Variants in DSCAM observed in about 807,000 individuals in gnomAD.
DSCAM encodes the protein DS cell adhesion molecule.
Under a neutral mutation model 217.7 loss-of-function variants are expected in DSCAM, and 47 were observed. The observed-to-expected ratio is 0.22, with a 90% confidence interval of 0.17 to 0.28. The LOEUF (loss-of-function observed/expected upper bound fraction) is 0.28. Among genes scored for constraint, DSCAM ranks in the 10% least tolerant of loss-of-function variants. The probability of loss-of-function intolerance (pLI) is 1.00; values close to 1 mark genes in which losing one functional copy is unlikely to be tolerated. For missense variants in DSCAM, 2,080 were observed against 2,618.3 expected (o/e 0.79, Z 4.49); for synonymous variants, 1,056 against 1,015.3 (o/e 1.04, Z -0.76).
intron 11 of DSCAM, among the ~76,000 whole-genome samples, chr21:40,250,813 A>G (rs1331905356): frequency 1.3e-5 from 2 of 152,228 alleles, no homozygotes; most frequent in East Asian, 1.9e-4. Flanking sequence ...GCACTCTTCA[A>G]TAAAGGGCTA....
At chr21:40,134,056 T>C in intron 18 of DSCAM, 47 bp from the exon 19 acceptor site, 1 of 1,571,140 alleles carries the variant, frequency 6.4e-7, no homozygotes. Context: ...TGAGCCCATT[T>C]CTGCTCGTTT....
intron 1 of DSCAM, among the ~76,000 whole-genome samples, chr21:40,762,032 A>T (rs1476865543): frequency 6.6e-6 from 1 of 152,208 alleles, no homozygotes; most frequent in African/African-American, 2.4e-5. Flanking sequence ...TCAACACCCT[A>T]ACATCACAGT....
chr21:40,489,823 C>T (rs1347113057), intron 3 of DSCAM, among the ~76,000 whole-genome samples: 1 of 143,096 alleles, frequency 7.0e-6, no homozygotes, highest in Non-Finnish European at 1.5e-5. Context: ...GGTTCTGTTT[C>T]TCCAGAGAAC....
intron 18 of DSCAM, among the ~76,000 whole-genome samples, chr21:40,136,436 G>A (rs1397956799): frequency 6.6e-6 from 1 of 152,154 alleles, no homozygotes; most frequent in African/African-American, 2.4e-5. Flanking sequence ...AGCTGTGATT[G>A]TGCCACTGCA....
intron 1 of DSCAM, among the ~76,000 whole-genome samples, chr21:40,710,110 C>T (rs778870851): frequency 3.9e-5 from 6 of 152,028 alleles, no homozygotes; most frequent in Admixed American, 6.5e-5. Flanking sequence ...CTTTTTTTCA[C>T]GTTTGTTGGC....
chr21:40,110,330 C>T (rs1167390461), intron 20 of DSCAM, among the ~76,000 whole-genome samples: 1 of 152,202 alleles, frequency 6.6e-6, no homozygotes, highest in Non-Finnish European at 1.5e-5. Context: ...CTCCAGCAAA[C>T]TCCAACAGAC....
rs541870073 is a variant in DSCAM, at chr21:40,745,312, T to G, written c.44-36541A>C. 1.4e-4 allele frequency among the ~76,000 whole-genome samples: 22 copies of G among 152,134 alleles called. No homozygotes were observed. In the East Asian group the frequency reaches 2.1e-3, roughly 15 times the overall value. ...TATCCAAGTATAAAAAGCTCAGAGA[T>G]CACCAATCAAATTCAACCCAAAGAG... On this transcript the variant is annotated intron_variant, in intron 1 of 32. Transcript: ENST00000400454.
intron 32 of DSCAM, among the ~76,000 whole-genome samples, chr21:40,031,240 G>A (rs1196564982): frequency 6.6e-6 from 1 of 152,118 alleles, no homozygotes; most frequent in Non-Finnish European, 1.5e-5. Context: ...GAACAGTGAT[G>A]TGGGGGTAGA....
At chr21:40,821,393 G>GCGCACACA (rs375566271) in intron 1 of DSCAM, among the ~76,000 whole-genome samples, 58 of 146,232 alleles carry the variant, frequency 4.0e-4, no homozygotes, top group East Asian at 1.8e-3. Flanking sequence ...ACACACGCGC[G>GCGCACACA]CACACACACA....
At chr21:40,697,975 T>C (rs141780414) in intron 2 of DSCAM, among the ~76,000 whole-genome samples, 3 of 152,364 alleles carry the variant, frequency 2.0e-5, no homozygotes, top group African/African-American at 7.2e-5. Context: ...GAAATAACTT[T>C]CCATTTTGTG....
chr21:40,531,767 C>T (rs1279102000), intron 3 of DSCAM, among the ~76,000 whole-genome samples: 1 of 152,202 alleles, frequency 6.6e-6, no homozygotes, highest in South Asian at 2.1e-4. Context: ...GGTCTTGCCC[C>T]CATTCCTTTC....
Position 40,176,689 on chromosome 21 carries a change from C to G in DSCAM, c.2947+2238G>C, listed in dbSNP as rs1297437051. Among the ~76,000 whole-genome samples, 2 of 152,232 alleles carry G rather than the reference C, an allele frequency of 1.3e-5. 1 individual carries two copies. Among genetic ancestry groups the G allele is most frequent in the Non-Finnish European group, 2.9e-5 (2 of 68,050 alleles). ...AACCTGCTCCTTTCCTTCCCTTCCCCTTAGCTCCTCTGAATATTAAAGGAG... is the reference window on the plus strand; with the variant it reads ...AACCTGCTCCTTTCCTTCCCTTCCCGTTAGCTCCTCTGAATATTAAAGGAG... On this transcript the variant is annotated intron_variant, in intron 15 of 32. Transcript: ENST00000400454.
intron 3 of DSCAM, among the ~76,000 whole-genome samples, chr21:40,541,828 A>G (rs914891519): frequency 6.6e-6 from 1 of 152,224 alleles, no homozygotes; most frequent in Non-Finnish European, 1.5e-5. Flanking sequence ...AATGTATTGC[A>G]CTGAAAGTAG....
chr21:40,454,017 C>G (rs2075743493), intron 3 of DSCAM, among the ~76,000 whole-genome samples: 1 of 152,202 alleles, frequency 6.6e-6, no homozygotes, highest in South Asian at 2.1e-4. Flanking sequence ...CCCCAAATAC[C>G]TGCCTAGGTA....
rs538407839 is a variant in DSCAM, at chr21:40,361,155, T to C, written c.656-7412A>G. 2.7e-3 allele frequency among the ~76,000 whole-genome samples: 410 copies of C among 151,356 alleles called. 2 individuals carry two copies. Among genetic ancestry groups the C allele is most frequent in the African/African-American group, 9.5e-3 (395 of 41,380 alleles). On this transcript the variant is annotated intron_variant, in intron 4 of 32. Coordinates refer to ENST00000400454, the MANE Select transcript of DSCAM (RefSeq NM_001389.5). ...TATATATATATATATATTACAAAAA[T>C]TATTTTTACCCCAAACATTTGAAAA...
In DSCAM at chr21:40,065,614, G is replaced by A. The variant is rs370574424; in HGVS notation, c.4889-2715C>T. On this transcript the variant is annotated intron_variant, in intron 27 of 32. Transcript: ENST00000400454. ...CACTGCCACTCCACGGTTGGGGTCG[G>A]TGCTCCTGCTGCACACCTAGTGTCC... is the stretch of plus-strand genomic sequence containing the variant. Among the ~76,000 whole-genome samples, 6 of 152,252 alleles carry A rather than the reference G, an allele frequency of 3.9e-5. No homozygotes were observed. In the South Asian group the frequency reaches 1.2e-3, roughly 32 times the overall value.
chr21:40,518,583 CAT>C (rs571035566), intron 3 of DSCAM, among the ~76,000 whole-genome samples: 12 of 86,838 alleles, frequency 1.4e-4, no homozygotes, highest in African/African-American at 5.9e-4. Context: ...CATACACACA[CAT>C]ATACACACAC....
intron 3 of DSCAM, among the ~76,000 whole-genome samples, chr21:40,506,873 AG>A (rs2146047963): frequency 6.6e-6 from 1 of 152,384 alleles, no homozygotes; most frequent in East Asian, 1.9e-4. Flanking sequence ...GGTAATCAAA[AG>A]AGGAAAAAAA....
chr21:40,333,927 G>C (rs115184828), intron 8 of DSCAM, among the ~76,000 whole-genome samples: 1 of 152,154 alleles, frequency 6.6e-6, no homozygotes, highest in African/African-American at 2.4e-5. Flanking sequence ...TTGGGTTCTC[G>C]CACCTTGCAA....
Sources: allele counts gnomAD v4.1 joint callset (sites outside exome capture counted in the v4.1 genomes callset), GRCh38; gene constraint gnomAD v4.1.1; transcripts MANE v1.5; gene names NCBI Gene and HGNC (gene_info 2026-07-23, HGNC 2026-07-21).